The following TMTC2 variants were observed in gnomAD, a reference collection of about 807,000 sequenced individuals.
TMTC2 encodes protein O-mannosyl-transferase TMTC2.
TMTC2 carries 43 observed loss-of-function variants against 82.4 expected under a neutral mutation model. That is an observed-to-expected ratio of 0.52 (90% CI 0.41 to 0.67). TMTC2 has a LOEUF of 0.67. TMTC2 is among the 30% of genes least tolerant of loss of function. The pLI is 0.00. For missense variants in TMTC2, 919 were observed against 1,012.4 expected (o/e 0.91, Z 1.25); for synonymous variants, 408 against 381.9 (o/e 1.07, Z -0.80).
At chr12:82,833,716 C>T (rs938181616) in intron 1 of TMTC2, among the ~76,000 whole-genome samples, 1 of 152,142 alleles carries the variant, frequency 6.6e-6, no homozygotes, top group Non-Finnish European at 1.5e-5. Context: ...CTTTAAGAAA[C>T]TATAATGCTG....
intron 3 of TMTC2, among the ~76,000 whole-genome samples, chr12:82,926,275 G>C (rs890289684): frequency 6.6e-6 from 1 of 152,126 alleles, no homozygotes; most frequent in Non-Finnish European, 1.5e-5. Flanking sequence ...CACTGCGCCC[G>C]GCCACGGGAA....
At chr12:82,854,759 A>G (rs987388402) in intron 1 of TMTC2, among the ~76,000 whole-genome samples, 1 of 152,176 alleles carries the variant, frequency 6.6e-6, no homozygotes, top group Admixed American at 6.5e-5. Flanking sequence ...GAACATTTAG[A>G]AAAGTCAACT....
chr12:82,765,134 AG>A (rs1008706409), intron 1 of TMTC2, among the ~76,000 whole-genome samples: 1 of 152,208 alleles, frequency 6.6e-6, no homozygotes, highest in Admixed American at 6.5e-5. Flanking sequence ...CACATTATTT[AG>A]GAACCAAAAA....
chr12:82,725,518 T>G (rs1874406788), intron 1 of TMTC2, among the ~76,000 whole-genome samples: 1 of 152,210 alleles, frequency 6.6e-6, no homozygotes, highest in Admixed American at 6.5e-5. Flanking sequence ...TTGTTAATGG[T>G]GCACACTATC....
At chr12:83,101,152 A>G (rs984895845) in intron 11 of TMTC2, among the ~76,000 whole-genome samples, 5 of 152,232 alleles carry the variant, frequency 3.3e-5, no homozygotes, top group African/African-American at 1.2e-4. Flanking sequence ...GCATTTAAAG[A>G]CAAAATTACA....
intron 1 of TMTC2, among the ~76,000 whole-genome samples, chr12:82,804,585 A>G (rs553091211): frequency 6.6e-5 from 10 of 152,060 alleles, no homozygotes; most frequent in Non-Finnish European, 1.5e-4. Flanking sequence ...CTTTTGAAGC[A>G]CCTTATCTTT....
intron 2 of TMTC2, among the ~76,000 whole-genome samples, chr12:82,877,094 T>C (rs1376760818): frequency 6.6e-6 from 1 of 152,150 alleles, no homozygotes; most frequent in African/African-American, 2.4e-5. Flanking sequence ...TTAGAGAAGT[T>C]GTAATGAAAG....
At chr12:83,008,693 GT>G (rs999266812) in intron 8 of TMTC2, among the ~76,000 whole-genome samples, 1 of 152,124 alleles carries the variant, frequency 6.6e-6, no homozygotes, top group African/African-American at 2.4e-5. Context: ...CATGTCTCAT[GT>G]TTTTTTGATG....
intron 2 of TMTC2, among the ~76,000 whole-genome samples, chr12:82,872,005 A>ACCCC (rs61305687): frequency 4.2e-5 from 4 of 95,698 alleles, no homozygotes; most frequent in African/African-American, 7.8e-5. Context: ...GTTGAACAAC[A>ACCCC]CCCCCCCCCC....
chr12:82,740,954 T>C (rs1875372550), intron 1 of TMTC2, among the ~76,000 whole-genome samples: 1 of 152,240 alleles, frequency 6.6e-6, no homozygotes, highest in South Asian at 2.1e-4. Flanking sequence ...TGACATGGCC[T>C]TGAGCTTTCT....
chr12:83,105,458 T>A lies in TMTC2; in HGVS notation c.2332-26752T>A, dbSNP rs150459634. On this transcript the variant is annotated intron_variant, in intron 11 of 11. Coordinates refer to ENST00000321196, the MANE Select transcript of TMTC2 (RefSeq NM_152588.3). Reference sequence around the variant, plus strand: ...TGTATGGAAGCATGGTGCCGGCATCTGCTCAGCTTCTTGGGAGGTCTCCAG... The same window carrying A: ...TGTATGGAAGCATGGTGCCGGCATCAGCTCAGCTTCTTGGGAGGTCTCCAG... Among the ~76,000 whole-genome samples the A allele has an allele frequency of 2.2e-4, 34 of 152,324 alleles. 1 individual carries two copies. The East Asian group carries it at 6.4e-3, about 29-fold the overall frequency.
intron 1 of TMTC2, among the ~76,000 whole-genome samples, chr12:82,830,330 C>T (rs1869680581): frequency 1.3e-5 from 2 of 151,920 alleles, no homozygotes; most frequent in Non-Finnish European, 1.5e-5. Flanking sequence ...AATCCTTAGT[C>T]CTTCCTTAGC....
chr12:82,862,201 C>A (rs550023159), intron 2 of TMTC2, among the ~76,000 whole-genome samples: 1 of 152,164 alleles, frequency 6.6e-6, no homozygotes, highest in Non-Finnish European at 1.5e-5. Flanking sequence ...ACATACTAGA[C>A]TTTTATCTGC....
chr12:83,002,455 G>T (rs1484923969), intron 8 of TMTC2, among the ~76,000 whole-genome samples: 2 of 152,026 alleles, frequency 1.3e-5, no homozygotes, highest in African/African-American at 4.8e-5. Flanking sequence ...ATTTAGCTTT[G>T]TGGTTGGTTT....
At chr12:83,104,342 C>A (rs868413843) in intron 11 of TMTC2, among the ~76,000 whole-genome samples, 1 of 152,192 alleles carries the variant, frequency 6.6e-6, no homozygotes, top group Admixed American at 6.5e-5. Context: ...CCCCTTGGCA[C>A]GTCTCTAGTA....
intron 4 of TMTC2, among the ~76,000 whole-genome samples, chr12:82,938,028 C>G (rs1876501181): frequency 6.7e-6 from 1 of 150,296 alleles, no homozygotes. Context: ...GATTTTCCTG[C>G]CTCAGCCTCC....
intron 8 of TMTC2, among the ~76,000 whole-genome samples, chr12:83,029,174 T>C (rs1881312499): frequency 6.6e-6 from 1 of 151,788 alleles, no homozygotes; most frequent in Admixed American, 6.6e-5. Flanking sequence ...GGAGAGGGAG[T>C]ATGGAGAAAA....
chr12:82,715,762 T>C (rs1197494819), intron 1 of TMTC2, among the ~76,000 whole-genome samples: 1 of 152,136 alleles, frequency 6.6e-6, no homozygotes, highest in Non-Finnish European at 1.5e-5. Flanking sequence ...ATATCAACCT[T>C]GAAGCTGCCC....
intron 8 of TMTC2, among the ~76,000 whole-genome samples, chr12:82,994,136 G>T (rs1343461860): frequency 1.3e-5 from 2 of 151,940 alleles, no homozygotes; most frequent in East Asian, 3.9e-4. Context: ...ACTCCCCAGG[G>T]GTCCACACAT....
Sources: allele counts gnomAD v4.1 joint callset (sites outside exome capture counted in the v4.1 genomes callset), GRCh38; gene constraint gnomAD v4.1.1; transcripts MANE v1.5; gene names NCBI Gene and HGNC (gene_info 2026-07-23, HGNC 2026-07-21).